BLCAP: variants seen among roughly 807,000 people sequenced by gnomAD.
BLCAP encodes BLCAP apoptosis inducing factor, also known as apoptosis inducing factor BLCAP.
A neutral mutation model predicts 5.7 loss-of-function variants in BLCAP; 1 was observed. The ratio of observed to expected loss-of-function variants is 0.18; its 90% CI spans 0.06 to 0.83. The LOEUF (loss-of-function observed/expected upper bound fraction) is 0.83, where lower values mean the gene tolerates loss of function less well. BLCAP is among the 40% of genes least tolerant of loss of function. The probability of loss-of-function intolerance (pLI) is 0.71; values close to 1 mark genes in which losing one functional copy is unlikely to be tolerated. For missense variants in BLCAP, 66 were observed against 107.6 expected (o/e 0.61, Z 1.71); for synonymous variants, 48 against 49.4 (o/e 0.97, Z 0.11).
Position 37,518,775 on chromosome 20 carries a change from A to G in BLCAP, c.*136T>C. The G allele has an allele frequency of 8.0e-7, 1 of 1,247,882 alleles. No homozygotes were observed. Among genetic ancestry groups the G allele is most frequent in the Non-Finnish European group, 1.1e-6 (1 of 901,410 alleles). 77.3% of individuals were successfully genotyped at this position (1,247,882 alleles called of 1,614,324 possible). A position where few individuals can be genotyped will look rare whatever the true frequency, so the allele number is the denominator to read the frequency against. On this transcript the variant is annotated 3_prime_UTR_variant, in exon 2 of 2. Transcript: ENST00000373537. ...ATTATTCACATTGTAAGGATAAAAC[A>G]TCACAGGCCAAAAAGGCGCCGTCAG...
At position 37,518,761 on chromosome 20, in the gene BLCAP, T is replaced by G; in HGVS notation, c.*150A>C. 1 of 1,104,668 alleles carries G rather than the reference T, an allele frequency of 9.1e-7. No homozygotes were observed. Among genetic ancestry groups the G allele is most frequent in the Non-Finnish European group, 1.3e-6 (1 of 776,742 alleles). 68.4% of individuals were successfully genotyped at this position (1,104,668 alleles called of 1,614,324 possible). The stretch of plus-strand genomic sequence containing the variant: ...CACCGGTCAGTGCCATTATTCACAT[T>G]GTAAGGATAAAACATCACAGGCCAA... On this transcript the variant is annotated 3_prime_UTR_variant, in exon 2 of 2. Coordinates refer to ENST00000373537, the MANE Select transcript of BLCAP (RefSeq NM_006698.4).
Position 37,519,269 on chromosome 20 carries a change from C to G in BLCAP, c.-95G>C. On this transcript the variant is annotated 5_prime_UTR_variant, in exon 2 of 2. Coordinates refer to ENST00000373537, the MANE Select transcript of BLCAP (RefSeq NM_006698.4). ...AGCGGGCGCAGGCGGCTGCCCTCCG[C>G]TTTCTTCAACCCTCACTCTCCAGGA... The G allele has an allele frequency of 7.1e-7, 1 of 1,409,204 alleles. No individual in the cohort carries two copies. The highest frequency in any genetic ancestry group is 9.5e-7 in the Non-Finnish European group (1 of 1,053,168). 87.3% of individuals were successfully genotyped at this position (1,409,204 alleles called of 1,614,324 possible).
At chr20:37,522,598 G>GGGGGGGGGGGGGGGGGGGGGGGGGGTCCC in intron 1 of BLCAP, 1 of 864,472 alleles carries the variant, frequency 1.2e-6, no homozygotes, top group Non-Finnish European at 1.7e-6. Context: ...GCGGGGGTGG[G>GGGGGGGGGGGGGGGGGGGGGGGGGGTCCC]CACGGCAGCA....
In BLCAP at chr20:37,517,658, A is replaced by G. The variant is rs1363124121; in HGVS notation, c.*1253T>C. The G allele has an allele frequency of 1.3e-5, 2 of 152,590 alleles. No individual in the cohort carries two copies. The highest frequency in any genetic ancestry group is 4.8e-5 in the African/African-American group (2 of 41,444). The allele number at this position is 152,590 out of a possible 1,614,324, so 9.5% of individuals were successfully genotyped here. A position where few individuals can be genotyped will look rare whatever the true frequency, so the allele number is the denominator to read the frequency against. ...TGATCTCCAGCAGGCAGGGGCCAGG[A>G]GAAAGTCTCGTTTGCCAACACTTGT... On this transcript the variant is annotated 3_prime_UTR_variant, in exon 2 of 2. Coordinates refer to ENST00000373537, the MANE Select transcript of BLCAP (RefSeq NM_006698.4).
intron 1 of BLCAP, chr20:37,523,571 C>T (rs1393914625): frequency 6.5e-6 from 1 of 152,692 alleles, no homozygotes; most frequent in Non-Finnish European, 1.5e-5. Context: ...AGTTGTGTCT[C>T]CCCAGCTAGA....
chr20:37,521,294 C>T lies in BLCAP; in HGVS notation c.-176-1944G>A, dbSNP rs200330180. 10 of 1,608,466 alleles carry T rather than the reference C, an allele frequency of 6.2e-6. No individual in the cohort carries two copies. In the East Asian group the frequency reaches 2.0e-4, roughly 32 times the overall value. ...TCCGAGACCAGCGGATCTCGGCAAA[C>T]CCTCTTTCTCGACCACCCACCTACC... On this transcript the variant is annotated intron_variant, in intron 1 of 1. Transcript: ENST00000373537. This position sits in a 1 kb window ranked among gnomAD's most constrained non-coding sequence, Gnocchi z 4.5.
At chr20:37,526,078 T>G (rs886240634) in intron 1 of BLCAP, among the ~76,000 whole-genome samples, 2 of 152,254 alleles carry the variant, frequency 1.3e-5, no homozygotes, top group African/African-American at 2.4e-5. Flanking sequence ...TGTGGAATAT[T>G]TGAATTGTCA....
At position 37,518,678 on chromosome 20, in the gene BLCAP, G is replaced by A; in HGVS notation, c.*233C>T. 1 of 593,012 alleles carries A rather than the reference G, an allele frequency of 1.7e-6. No homozygotes were observed. The highest frequency in any genetic ancestry group is 1.9e-5 in the African/African-American group (1 of 53,580). The allele number at this position is 593,012 out of a possible 1,614,324, so 36.7% of individuals were successfully genotyped here. ...CATGCGGCCAGCCAGGACCTAGATG[G>A]GGACAGAACACACACAACCACAAGA... On this transcript the variant is annotated 3_prime_UTR_variant, in exon 2 of 2. Transcript: ENST00000373537.
In BLCAP at chr20:37,518,792, C is replaced by T. The variant is rs750843704; in HGVS notation, c.*119G>A. On this transcript the variant is annotated 3_prime_UTR_variant, in exon 2 of 2. Transcript: ENST00000373537. ...GATAAAACATCACAGGCCAAAAAGG[C>T]GCCGTCAGGAATGTGACACCCGCGA... is the stretch of plus-strand genomic sequence containing the variant. 4.3e-6 allele frequency: 6 copies of T among 1,402,642 alleles called. No homozygotes were observed. The highest frequency in any genetic ancestry group is 2.2e-5 in the Admixed American group (1 of 45,220). The allele number at this position is 1,402,642 out of a possible 1,614,324, so 86.9% of individuals were successfully genotyped here. A position where few individuals can be genotyped will look rare whatever the true frequency, so the allele number is the denominator to read the frequency against.
intron 1 of BLCAP, 77 bp from the exon 2 acceptor site, chr20:37,519,427 A>AAAAAG (rs2071493956): frequency 7.7e-6 from 1 of 130,406 alleles, no homozygotes; most frequent in South Asian, 3.2e-4. Flanking sequence ...AAAAAAAGAA[A>AAAAAG]AAAAAAAAAA....
rs1454496676 is a variant in BLCAP at position 37,518,879 on chromosome 20, C to G, written c.*32G>C. ...ATGTCAATGCCTCCCCTCCCGTCTT[C>G]TGCTTCCTTGGAAAGCTAACAGGGC... On this transcript the variant is annotated 3_prime_UTR_variant, in exon 2 of 2. Transcript: ENST00000373537. 1 of 1,608,940 alleles carries G rather than the reference C, an allele frequency of 6.2e-7. No individual in the cohort carries two copies. Among genetic ancestry groups the G allele is most frequent in the African/African-American group, 1.3e-5 (1 of 74,944 alleles).
chr20:37,518,667 G>A lies in BLCAP; in HGVS notation c.*244C>T. 1 of 556,422 alleles carries A rather than the reference G, an allele frequency of 1.8e-6. No homozygotes were observed. The highest frequency in any genetic ancestry group is 2.2e-5 in the South Asian group (1 of 44,584). 34.5% of individuals were successfully genotyped at this position (556,422 alleles called of 1,614,324 possible). On this transcript the variant is annotated 3_prime_UTR_variant, in exon 2 of 2. Transcript: ENST00000373537. ...AGAGGGGTGGTCATGCGGCCAGCCAGGACCTAGATGGGGACAGAACACACA... is the reference window on the plus strand; with the variant it reads ...AGAGGGGTGGTCATGCGGCCAGCCAAGACCTAGATGGGGACAGAACACACA...
chr20:37,526,604 T>C (rs2071726485), intron 1 of BLCAP: 1 of 152,108 alleles, frequency 6.6e-6, no homozygotes, highest in African/African-American at 2.4e-5. Flanking sequence ...GTTTCAAAGA[T>C]AGGAGAACAA....
chr20:37,526,271 T>TCCC (rs11477433), intron 1 of BLCAP, among the ~76,000 whole-genome samples: 13 of 125,268 alleles, frequency 1.0e-4, no homozygotes, highest in Admixed American at 1.7e-4. Flanking sequence ...GCAGTTAACT[T>TCCC]CCCCCCCCCA....
At position 37,518,313 on chromosome 20, in the gene BLCAP, C is replaced by T. The variant is rs1175552805; in HGVS notation, c.*598G>A. 4 of 152,348 alleles carry T rather than the reference C, an allele frequency of 2.6e-5. No individual in the cohort carries two copies. The highest frequency in any genetic ancestry group is 6.5e-5 in the Admixed American group (1 of 15,288). The allele number at this position is 152,348 out of a possible 1,614,324, so 9.4% of individuals were successfully genotyped here. A position where few individuals can be genotyped will look rare whatever the true frequency, so the allele number is the denominator to read the frequency against. On this transcript the variant is annotated 3_prime_UTR_variant, in exon 2 of 2. Transcript: ENST00000373537. The stretch of plus-strand genomic sequence containing the variant: ...ATACTGAAGATTTGTGGACAACTAA[C>T]AGTCAAGACATGTTTCTGTCTAGCC...
chr20:37,520,031 A>G (rs563344309), intron 1 of BLCAP, among the ~76,000 whole-genome samples: 3 of 152,344 alleles, frequency 2.0e-5, no homozygotes, highest in African/African-American at 7.2e-5. Context: ...AAAAGTCACT[A>G]TGCTACTTTG....
intron 1 of BLCAP, chr20:37,526,552 T>C (rs2071725767): frequency 6.6e-6 from 1 of 152,220 alleles, no homozygotes. Flanking sequence ...CGCGTGGTTC[T>C]TGGTATATCG....
chr20:37,522,273 A>C (rs946642094), intron 1 of BLCAP: 2 of 1,067,374 alleles, frequency 1.9e-6, no homozygotes, highest in African/African-American at 1.6e-5. Context: ...TGCCCATAAA[A>C]TCATTTACCC....
Position 37,518,660 on chromosome 20 carries a change from C to T in BLCAP, c.*251G>A, listed in dbSNP as rs2071457011. On this transcript the variant is annotated 3_prime_UTR_variant, in exon 2 of 2. Coordinates refer to ENST00000373537, the MANE Select transcript of BLCAP (RefSeq NM_006698.4). The stretch of plus-strand genomic sequence containing the variant: ...TGAGGCGAGAGGGGTGGTCATGCGG[C>T]CAGCCAGGACCTAGATGGGGACAGA... 5.6e-6 allele frequency: 3 copies of T among 531,694 alleles called. No individual in the cohort carries two copies. In the East Asian group the frequency reaches 1.0e-4, roughly 18 times the overall value. 32.9% of individuals were successfully genotyped at this position (531,694 alleles called of 1,614,324 possible).
Sources: gnomAD v4.1 joint callset for allele counts (sites outside exome capture counted in the v4.1 genomes callset) on GRCh38, gnomAD v4.1.1 for gene constraint, Gnocchi (gnomAD v3.1) non-coding constraint, MANE v1.5 for transcripts, NCBI Gene and HGNC (gene_info 2026-07-23, HGNC 2026-07-21) for gene names.